Variants in UGT8 observed in about 807,000 individuals in gnomAD.
The protein encoded by UGT8 is UDP glycosyltransferase 8, also known as 2-hydroxyacylsphingosine 1-beta-galactosyltransferase.
UGT8 carries 12 observed loss-of-function variants against 40.5 expected under a neutral mutation model. That is an observed-to-expected ratio of 0.30 (90% CI 0.19 to 0.48). The LOEUF (loss-of-function observed/expected upper bound fraction) is 0.48. UGT8 is among the 20% of genes least tolerant of loss of function. The pLI is 0.99. For missense variants in UGT8, 513 were observed against 648.7 expected (o/e 0.79, Z 2.27); for synonymous variants, 224 against 240.4 (o/e 0.93, Z 0.63).
intron 2 of UGT8, among the ~76,000 whole-genome samples, chr4:114,648,340 A>G (rs893302582): frequency 2.7e-5 from 4 of 148,392 alleles, no homozygotes; most frequent in Non-Finnish European, 1.5e-5. Flanking sequence ...TAGTATCATT[A>G]ATATGTGATC....
chr4:114,606,803 G>A lies in UGT8; in HGVS notation c.-3+7829G>A, dbSNP rs577603370. 1.3e-4 allele frequency among the ~76,000 whole-genome samples: 20 copies of A among 151,962 alleles called. 1 individual carries two copies. In the South Asian group the frequency reaches 3.9e-3, roughly 30 times the overall value. On this transcript the variant is annotated intron_variant, in intron 1 of 5. Transcript: ENST00000310836. ...AAATAAGCTCAAGAAGGAAAGAATAGTGTTTCAGTGTCATATCTGGGCTTT... is the reference window on the plus strand; with the variant it reads ...AAATAAGCTCAAGAAGGAAAGAATAATGTTTCAGTGTCATATCTGGGCTTT...
At chr4:114,639,748 A>C (rs1157884578) in intron 2 of UGT8, among the ~76,000 whole-genome samples, 1 of 152,246 alleles carries the variant, frequency 6.6e-6, no homozygotes, top group Non-Finnish European at 1.5e-5. Context: ...ACTTCAACTT[A>C]TCCATGAAAT....
rs188851017 is a variant in UGT8 at position 114,618,077 on chromosome 4, A to G, written c.-2-4802A>G. Among the ~76,000 whole-genome samples the G allele has an allele frequency of 7.9e-3, 1,208 of 152,082 alleles. 14 individuals carry two copies. The highest frequency in any genetic ancestry group is 0.028 in the African/African-American group (1,146 of 41,474). On this transcript the variant is annotated intron_variant, in intron 1 of 5. Coordinates refer to ENST00000310836, the MANE Select transcript of UGT8 (RefSeq NM_001128174.3). ...TATCATATACATAATTTTATTTCTG[A>G]TCTTCTTAGTGTTATGTTACAAGTA... is the stretch of plus-strand genomic sequence containing the variant.
intron 1 of UGT8, among the ~76,000 whole-genome samples, chr4:114,604,632 C>A (rs1471846957): frequency 6.6e-6 from 1 of 151,964 alleles, no homozygotes; most frequent in Non-Finnish European, 1.5e-5. Flanking sequence ...GTAATTACTG[C>A]ATAATTTGAG....
At chr4:114,665,440 CAAT>C (rs1397422165) in intron 3 of UGT8, 1 of 985,140 alleles carries the variant, frequency 1.0e-6, no homozygotes, top group Non-Finnish European at 1.2e-6. Flanking sequence ...CGTGAGGAAC[CAAT>C]GGAAAATAGA....
At chr4:114,622,401 G>A (rs1560675259) in intron 1 of UGT8, 1 of 152,152 alleles carries the variant, frequency 6.6e-6, no homozygotes, top group Non-Finnish European at 1.5e-5. Context: ...TGTGAATAGT[G>A]CCGCAATAAA....
intron 2 of UGT8, among the ~76,000 whole-genome samples, chr4:114,653,887 C>T (rs1322723310): frequency 6.6e-6 from 1 of 152,060 alleles, no homozygotes; most frequent in East Asian, 1.9e-4. Context: ...ATATCTTGCT[C>T]TCTTATATTC....
intron 2 of UGT8, among the ~76,000 whole-genome samples, chr4:114,643,625 A>G (rs1272520350): frequency 6.6e-6 from 1 of 152,180 alleles, no homozygotes; most frequent in African/African-American, 2.4e-5. Flanking sequence ...ATTTGGCATT[A>G]TGCACAGTAG....
chr4:114,666,799 A>T (rs1200930225), intron 4 of UGT8, among the ~76,000 whole-genome samples: 2 of 151,922 alleles, frequency 1.3e-5, no homozygotes, highest in Non-Finnish European at 1.5e-5. Context: ...CCTCAAGTCC[A>T]TAGCTGCTCT....
chr4:114,617,227 C>T (rs529420958), intron 1 of UGT8, among the ~76,000 whole-genome samples: 184 of 152,328 alleles, frequency 1.2e-3, no homozygotes, highest in African/African-American at 4.3e-3. Flanking sequence ...GCACTCTAGC[C>T]TGAGCTACAG....
At chr4:114,650,975 T>A (rs577490732) in intron 2 of UGT8, among the ~76,000 whole-genome samples, 1 of 152,050 alleles carries the variant, frequency 6.6e-6, no homozygotes, top group African/African-American at 2.4e-5. Flanking sequence ...GTCTCTGATA[T>A]AGACTTTCCT....
At chr4:114,667,750 T>G in intron 4 of UGT8, 1 of 355,630 alleles carries the variant, frequency 2.8e-6, no homozygotes, top group Non-Finnish European at 3.9e-6. Context: ...TTTTTCACTC[T>G]GGTATTGTTT....
At chr4:114,608,679 T>A (rs1730873597) in intron 1 of UGT8, among the ~76,000 whole-genome samples, 1 of 152,186 alleles carries the variant, frequency 6.6e-6, no homozygotes, top group Non-Finnish European at 1.5e-5. Context: ...TTTAGTGGGT[T>A]TTCTTTTTTA....
At chr4:114,672,468 A>G (rs1735354010) in intron 5 of UGT8, among the ~76,000 whole-genome samples, 1 of 152,230 alleles carries the variant, frequency 6.6e-6, no homozygotes, top group Non-Finnish European at 1.5e-5. Context: ...TATATATACC[A>G]TGGAATAGTA....
rs917688946 is a variant in UGT8, at chr4:114,606,798, G to A, written c.-3+7824G>A. Among the ~76,000 whole-genome samples, 6 of 152,130 alleles carry A rather than the reference G, an allele frequency of 3.9e-5. No individual in the cohort carries two copies. In the South Asian group the frequency reaches 1.0e-3, roughly 26 times the overall value. ...AGGCAAAATAAGCTCAAGAAGGAAA[G>A]AATAGTGTTTCAGTGTCATATCTGG... On this transcript the variant is annotated intron_variant, in intron 1 of 5. Coordinates refer to ENST00000310836, the MANE Select transcript of UGT8 (RefSeq NM_001128174.3).
At chr4:114,635,279 A>G (rs920248517) in intron 2 of UGT8, among the ~76,000 whole-genome samples, 9 of 152,052 alleles carry the variant, frequency 5.9e-5, no homozygotes, top group Non-Finnish European at 1.0e-4. Context: ...TGAAGCCCGG[A>G]GGCAGAGGTT....
In UGT8 at chr4:114,629,240, G is replaced by A. The variant is rs115988361; in HGVS notation, c.822+5538G>A. 7.2e-3 allele frequency among the ~76,000 whole-genome samples: 1,095 copies of A among 152,238 alleles called. 16 individuals are homozygous for A. The highest frequency in any genetic ancestry group is 0.024 in the African/African-American group (1,015 of 41,530). ...ACTATGCTATGTTGTTAGCTATGTGGGGGTCAGAAAATTGAGGATGACAAT... is the reference window on the plus strand; with the variant it reads ...ACTATGCTATGTTGTTAGCTATGTGAGGGTCAGAAAATTGAGGATGACAAT... On this transcript the variant is annotated intron_variant, in intron 2 of 5. Transcript: ENST00000310836.
rs1578477369 is a variant in UGT8 at position 114,674,536 on chromosome 4, C to G, written c.1263-1389C>G. ...TCTTCCCTCTGCTTTAACAGCCTGT[C>G]TCCCTGATATAATGGCTCTTTGGTT... On this transcript the variant is annotated intron_variant, in intron 5 of 5. Transcript: ENST00000310836. Among the ~76,000 whole-genome samples the G allele has an allele frequency of 2.0e-5, 3 of 152,276 alleles. No homozygotes were observed. In the South Asian group the frequency reaches 6.2e-4, roughly 32 times the overall value.
rs556905006 is a variant in UGT8 at position 114,676,091 on chromosome 4, A to G, written c.1429A>G (p.Ile477Val). The G allele has an allele frequency of 3.1e-6, 5 of 1,614,126 alleles. No homozygotes were observed. Among genetic ancestry groups the G allele is most frequent in the Admixed American group, 1.7e-5 (1 of 60,018 alleles). Residue 477 changes from isoleucine (I) to valine (V), a missense_variant, in exon 6 of 6, where the codon ATT becomes GTT. Ile to Val is a conservative substitution (Grantham distance 29, BLOSUM62 3). This residue lies in a region of UGT8 where 175 missense variants were observed against 186.7 expected (regional missense o/e 0.94). Transcript: ENST00000310836. ...CTTTTGTCAGTATTTTTTACTGGAT[A>G]TTGCCTTTGTGCTTTTGCTTGGTGC... The part of the protein sequence containing the change: ...ISFCQYFLLD[I>V]AFVLLLGAAL...
Sources: allele counts gnomAD v4.1 joint callset (sites outside exome capture counted in the v4.1 genomes callset), GRCh38; gene constraint gnomAD v4.1.1; regional missense constraint gnomAD v4.1.1; transcripts MANE v1.5; gene names NCBI Gene and HGNC (gene_info 2026-07-23, HGNC 2026-07-21).